The following ZSWIM6 variants were observed in gnomAD, a reference collection of about 807,000 sequenced individuals.
ZSWIM6 encodes zinc finger SWIM-type containing 6.
Under a neutral mutation model 113.2 loss-of-function variants are expected in ZSWIM6, and 9 were observed. The observed-to-expected ratio is 0.08, with a 90% CI of 0.05 to 0.14. The LOEUF (loss-of-function observed/expected upper bound fraction) is 0.14, where lower values mean the gene tolerates loss of function less well. ZSWIM6 is among the 10% of genes least tolerant of loss of function. The pLI is 1.00. For missense variants in ZSWIM6, 1,162 were observed against 1,552.2 expected, an observed-to-expected ratio of 0.75 and a Z score of 4.22; for synonymous variants, 611 against 606.5, an observed-to-expected ratio of 1.01 and a Z score of -0.11.
intron 1 of ZSWIM6, among the ~76,000 whole-genome samples, chr5:61,360,749 C>A (rs144575245): frequency 6.6e-6 from 1 of 152,128 alleles, no homozygotes; most frequent in Non-Finnish European, 1.5e-5. Context: ...TTTTTATAGC[C>A]AATACAATGG....
chr5:61,465,982 G>A (rs1747426171), intron 1 of ZSWIM6, among the ~76,000 whole-genome samples: 1 of 152,176 alleles, frequency 6.6e-6, no homozygotes, highest in South Asian at 2.1e-4. Flanking sequence ...CCAGCTCACA[G>A]GATGCAGTCC....
intron 2 of ZSWIM6, 41 bp downstream of exon 2, chr5:61,473,078 C>A (rs938461926): frequency 7.3e-6 from 9 of 1,232,034 alleles, no homozygotes; most frequent in Admixed American, 3.1e-5. Flanking sequence ...CTCTCTGGAT[C>A]CTTTTTCACT....
chr5:61,432,086 A>C (rs1246493246), intron 1 of ZSWIM6, among the ~76,000 whole-genome samples: 1 of 152,202 alleles, frequency 6.6e-6, no homozygotes, highest in East Asian at 1.9e-4. Context: ...TGACCTTTCT[A>C]GCCAGCCCAG....
chr5:61,466,119 A>T (rs895360343), intron 1 of ZSWIM6, among the ~76,000 whole-genome samples: 1 of 152,214 alleles, frequency 6.6e-6, no homozygotes, highest in Non-Finnish European at 1.5e-5. Flanking sequence ...CATGATTTAC[A>T]TTAAAACTTT....
intron 1 of ZSWIM6, among the ~76,000 whole-genome samples, chr5:61,373,018 C>G (rs933049067): frequency 6.6e-6 from 1 of 151,994 alleles, no homozygotes; most frequent in Non-Finnish European, 1.5e-5. Flanking sequence ...CTCTTTGTTA[C>G]CCATAATTTT....
intron 1 of ZSWIM6, among the ~76,000 whole-genome samples, chr5:61,346,101 C>T (rs982500814): frequency 5.3e-5 from 8 of 151,792 alleles, no homozygotes; most frequent in Admixed American, 2.0e-4. Context: ...CCCATCACCA[C>T]GCCCAGCTAA....
At chr5:61,496,659 C>T (rs1425307205) in intron 4 of ZSWIM6, among the ~76,000 whole-genome samples, 1 of 152,016 alleles carries the variant, frequency 6.6e-6, no homozygotes, top group Admixed American at 6.6e-5. Context: ...GCCCTTTAGC[C>T]ACATGGATAA....
intron 4 of ZSWIM6, among the ~76,000 whole-genome samples, chr5:61,496,354 G>A (rs1748314428): frequency 6.6e-6 from 1 of 152,136 alleles, no homozygotes; most frequent in Admixed American, 6.6e-5. Flanking sequence ...GTTCTGTGAA[G>A]AATCTCACGT....
At chr5:61,492,938 C>G (rs897557282) in intron 3 of ZSWIM6, among the ~76,000 whole-genome samples, 2 of 152,012 alleles carry the variant, frequency 1.3e-5, no homozygotes, top group African/African-American at 4.8e-5. Flanking sequence ...CTGCTTGTGA[C>G]CTTGCTCCAG....
At chr5:61,436,488 G>A (rs377030820) in intron 1 of ZSWIM6, among the ~76,000 whole-genome samples, 16 of 152,240 alleles carry the variant, frequency 1.1e-4, no homozygotes, top group African/African-American at 3.9e-4. Flanking sequence ...ATTAGACTGT[G>A]AACTCACTTA....
intron 1 of ZSWIM6, among the ~76,000 whole-genome samples, chr5:61,436,984 T>C (rs1746721380): frequency 6.6e-6 from 1 of 152,238 alleles, no homozygotes; most frequent in African/African-American, 2.4e-5. Context: ...AGAGCCATTC[T>C]TCGATCTTGC....
intron 2 of ZSWIM6, among the ~76,000 whole-genome samples, chr5:61,485,551 G>A (rs944630932): frequency 2.0e-5 from 3 of 151,896 alleles, no homozygotes; most frequent in Admixed American, 6.6e-5. Flanking sequence ...TCAGTATTCC[G>A]TATGGTTGTT....
intron 1 of ZSWIM6, among the ~76,000 whole-genome samples, chr5:61,435,887 C>A (rs941634375): frequency 1.3e-5 from 2 of 151,892 alleles, no homozygotes; most frequent in African/African-American, 4.8e-5. Context: ...TTAAGATGAG[C>A]AATTTGTTAT....
Position 61,494,422 on chromosome 5 carries a change from T to C in ZSWIM6, c.1333+12T>C, listed in dbSNP as rs1230005626. 1.9e-6 allele frequency: 3 copies of C among 1,550,650 alleles called. No homozygotes were observed. The East Asian group carries it at 7.3e-5, about 38-fold the overall frequency. On this transcript the variant is annotated intron_variant, in intron 4 of 13. Coordinates refer to ENST00000252744, the MANE Select transcript of ZSWIM6 (RefSeq NM_020928.2). ...CTGGGATGAGCTGGGTAAGCATGTTTCCTCACAAATTACCATTGATTTGCA... is the reference window on the plus strand; with the variant it reads ...CTGGGATGAGCTGGGTAAGCATGTTCCCTCACAAATTACCATTGATTTGCA...
At chr5:61,511,397 G>A (rs1397604170) in intron 4 of ZSWIM6, among the ~76,000 whole-genome samples, 1 of 152,068 alleles carries the variant, frequency 6.6e-6, no homozygotes, top group Non-Finnish European at 1.5e-5. Context: ...TTAGCATCTT[G>A]TTTTTAAGGA....
At chr5:61,349,717 C>T (rs1193340157) in intron 1 of ZSWIM6, among the ~76,000 whole-genome samples, 1 of 152,046 alleles carries the variant, frequency 6.6e-6, no homozygotes, top group Non-Finnish European at 1.5e-5. Context: ...AACTTCTAAA[C>T]AGAAAGTAAC....
chr5:61,431,417 A>ATCG (rs1339760011), intron 1 of ZSWIM6, among the ~76,000 whole-genome samples: 1 of 149,416 alleles, frequency 6.7e-6, no homozygotes, highest in Non-Finnish European at 1.5e-5. Flanking sequence ...TGGTAAATAA[A>ATCG]TCGTGATCTT....
At chr5:61,333,060 C>G in intron 1 of ZSWIM6, 112 bp downstream of exon 1, 8 of 1,017,366 alleles carry the variant, frequency 7.9e-6, no homozygotes, top group Non-Finnish European at 9.5e-6. Flanking sequence ...CGCCCGCACC[C>G]CTGCGGGTGT....
intron 1 of ZSWIM6, among the ~76,000 whole-genome samples, chr5:61,381,558 T>C (rs935594052): frequency 2.0e-5 from 3 of 152,236 alleles, no homozygotes; most frequent in Non-Finnish European, 4.4e-5. Flanking sequence ...AAAGGATGAA[T>C]AAAAGTACAT....
Sources: allele counts gnomAD v4.1 joint callset (sites outside exome capture counted in the v4.1 genomes callset), GRCh38; gene constraint gnomAD v4.1.1; transcripts MANE v1.5; gene names NCBI Gene and HGNC (gene_info 2026-07-23, HGNC 2026-07-21).